DSCAML1: variants seen among roughly 807,000 people sequenced by gnomAD.
The protein encoded by DSCAML1 is cell adhesion molecule DSCAML1.
DSCAML1 carries 38 observed loss-of-function variants against 200.5 expected under a neutral mutation model. That is an observed-to-expected ratio of 0.19 (90% CI 0.15 to 0.25). The LOEUF (loss-of-function observed/expected upper bound fraction) is 0.25, where lower values mean the gene tolerates loss of function less well. Among genes scored for constraint, DSCAML1 ranks in the 10% least tolerant of loss-of-function variants. The probability of loss-of-function intolerance (pLI) is 1.00; values close to 1 mark genes in which losing one functional copy is unlikely to be tolerated. For missense variants in DSCAML1, 2,223 were observed against 2,858.8 expected, an observed-to-expected ratio of 0.78 and a Z score of 5.07; for synonymous variants, 1,215 against 1,165.0, an observed-to-expected ratio of 1.04 and a Z score of -0.87.
intron 15 of DSCAML1, among the ~76,000 whole-genome samples, chr11:117,470,298 G>A (rs999768697): frequency 1.3e-4 from 20 of 152,226 alleles, no homozygotes; most frequent in Non-Finnish European, 1.8e-4. Flanking sequence ...TGTCTAGGCC[G>A]GGCGCGGTGG....
intron 3 of DSCAML1, among the ~76,000 whole-genome samples, chr11:117,540,548 A>G (rs1488966696): frequency 6.6e-6 from 1 of 152,144 alleles, no homozygotes; most frequent in African/African-American, 2.4e-5. Context: ...GGTAAATTTT[A>G]TGTTATGTAT....
At chr11:117,652,671 C>T (rs1390409397) in intron 3 of DSCAML1, among the ~76,000 whole-genome samples, 1 of 152,200 alleles carries the variant, frequency 6.6e-6, no homozygotes, top group Non-Finnish European at 1.5e-5. Context: ...CTTGCCTGGG[C>T]CCCCGAAGCA....
chr11:117,501,862 CTG>C (rs1448094145), intron 11 of DSCAML1, among the ~76,000 whole-genome samples: 2 of 152,094 alleles, frequency 1.3e-5, no homozygotes, highest in Non-Finnish European at 2.9e-5. Flanking sequence ...ACACCGAGGC[CTG>C]CAGATGAGGA....
chr11:117,780,460 T>A lies in DSCAML1; in HGVS notation c.364+33A>T, dbSNP rs1279808880. On this transcript the variant is annotated intron_variant, in intron 2 of 32. Transcript: ENST00000651296. This position sits in a 1 kb window ranked among gnomAD's most constrained non-coding sequence, Gnocchi z 4.8. ...AGAATGACGGCGCAGCCTCCTCCTG[T>A]GCCACTGGGGCAGCCAGTGTCTTGT... The A allele has an allele frequency of 1.4e-6, 2 of 1,415,220 alleles. No homozygotes were observed. Among genetic ancestry groups the A allele is most frequent in the African/African-American group, 2.9e-5 (2 of 68,482 alleles). 87.7% of individuals were successfully genotyped at this position (1,415,220 alleles called of 1,614,324 possible).
chr11:117,695,736 T>A (rs1276748555), intron 3 of DSCAML1, among the ~76,000 whole-genome samples: 1 of 152,188 alleles, frequency 6.6e-6, no homozygotes, highest in Non-Finnish European at 1.5e-5. Context: ...ATGGAGAGAC[T>A]TCTTTCCTGG....
chr11:117,801,997 A>G (rs1040402196), upstream of DSCAML1: 2 of 152,264 alleles, frequency 1.3e-5, no homozygotes, highest in Non-Finnish European at 1.5e-5. Context: ...TCATTGTCAC[A>G]TTTCTCTCTG....
chr11:117,757,761 C>T (rs192216582), intron 3 of DSCAML1, among the ~76,000 whole-genome samples: 1 of 152,054 alleles, frequency 6.6e-6, no homozygotes, highest in African/African-American at 2.4e-5. Flanking sequence ...GAGGCTGAGG[C>T]GGGCGGATCA....
chr11:117,465,047 C>T lies in DSCAML1; in HGVS notation c.3160G>A (p.Asp1054Asn). The T allele has an allele frequency of 6.2e-7, 1 of 1,614,148 alleles. No individual in the cohort carries two copies. The highest frequency in any genetic ancestry group is 1.1e-5 in the South Asian group (1 of 91,072). ...ATGDSEVYTL[D>N]NLKKFAQYGV... ...TACTGGGCGAACTTCTTGAGGTTGT[C>T]CAGGGTGTAGACCTCGCTGTCCCCC... Residue 1054 changes from aspartate (D) to asparagine (N), a missense_variant, in exon 17 of 33, where the codon GAC becomes AAC. Coordinates refer to ENST00000651296, the MANE Select transcript of DSCAML1 (RefSeq NM_020693.4).
chr11:117,433,121 T>G lies in DSCAML1; in HGVS notation c.5026+17A>C, dbSNP rs189634634. 404 of 1,603,424 alleles carry G rather than the reference T, an allele frequency of 2.5e-4. 2 individuals carry two copies. In the African/African-American group the frequency reaches 4.5e-3, roughly 18 times the overall value. On this transcript the variant is annotated intron_variant, in intron 29 of 32. Coordinates refer to ENST00000651296, the MANE Select transcript of DSCAML1 (RefSeq NM_020693.4). ...CACACCCAGCAGGACAGGGAACTTG[T>G]GGCACCTGTCACTCACCCAGTTGCT...
At chr11:117,609,105 A>G (rs2051636315) in intron 3 of DSCAML1, among the ~76,000 whole-genome samples, 1 of 152,020 alleles carries the variant, frequency 6.6e-6, no homozygotes, top group Admixed American at 6.5e-5. Flanking sequence ...AGGCTAAGGC[A>G]GGACAATCGC....
At chr11:117,738,432 G>GT (rs1428824049) in intron 3 of DSCAML1, among the ~76,000 whole-genome samples, 7 of 151,842 alleles carry the variant, frequency 4.6e-5, no homozygotes, top group Non-Finnish European at 8.8e-5. Flanking sequence ...CCCTCTGGCT[G>GT]ACGTCAGCAT....
chr11:117,533,212 C>T (rs906714107), intron 3 of DSCAML1, among the ~76,000 whole-genome samples: 8 of 152,162 alleles, frequency 5.3e-5, no homozygotes, highest in Admixed American at 5.2e-4. Context: ...TATTAGTTCT[C>T]ATCTTTCCTA....
In DSCAML1 at chr11:117,521,324, C is replaced by T; in HGVS notation, c.1019G>A (p.Gly340Asp). 6.2e-7 allele frequency: 1 copy of T among 1,614,152 alleles called. No homozygotes were observed. Among genetic ancestry groups the T allele is most frequent in the Non-Finnish European group, 8.5e-7 (1 of 1,180,028 alleles). ...CCAGCGGATGGTGAACTCTGGGGAG[C>T]CCGTCAGGGCACAGGAGAGGATGAC... ...STVILSCALT[G>D]SPEFTIRWYR... The change falls in exon 6 of 33, where the codon GGC becomes GAC. Residue 340 changes from glycine to aspartate, a missense_variant. Coordinates refer to ENST00000651296, the MANE Select transcript of DSCAML1 (RefSeq NM_020693.4).
In DSCAML1 at chr11:117,428,391, C is replaced by G; in HGVS notation, c.6099G>C (p.Ser2033=). Residue 2033 remains serine (S), a synonymous_variant, in exon 33 of 33, where the codon TCG becomes TCC. Transcript: ENST00000651296. The stretch of plus-strand genomic sequence containing the variant: ...CCTGCTTCTGAGACCTCCCTACCCC[C>G]GATGTGCTCATCTCGAGAAGCGAGT... The part of the protein sequence containing the change: ...SRDSLLEMST[S]GVGRSQKQGA... The G allele has an allele frequency of 6.3e-7, 1 of 1,584,922 alleles. No homozygotes were observed. The highest frequency in any genetic ancestry group is 8.6e-7 in the Non-Finnish European group (1 of 1,169,350).
intron 3 of DSCAML1, among the ~76,000 whole-genome samples, chr11:117,612,472 C>T (rs955438414): frequency 5.3e-5 from 8 of 152,210 alleles, no homozygotes; most frequent in Admixed American, 6.5e-5. Flanking sequence ...CCACTAGTCC[C>T]TGCTGTGGAT....
At chr11:117,734,769 A>T (rs901815471) in intron 3 of DSCAML1, among the ~76,000 whole-genome samples, 7 of 152,212 alleles carry the variant, frequency 4.6e-5, no homozygotes, top group Admixed American at 3.3e-4. Context: ...GTATTTGCAG[A>T]GTACATGATG....
intron 15 of DSCAML1, among the ~76,000 whole-genome samples, 161 bp from the exon 16 acceptor site, chr11:117,470,141 G>A (rs2048656173): frequency 6.6e-6 from 1 of 152,192 alleles, no homozygotes; most frequent in Non-Finnish European, 1.5e-5. Flanking sequence ...TCCCCTGAAA[G>A]TAACATAGGG....
chr11:117,571,824 TGAA>T (rs1405286441), intron 3 of DSCAML1, among the ~76,000 whole-genome samples: 1 of 152,166 alleles, frequency 6.6e-6, no homozygotes, highest in African/African-American at 2.4e-5. Flanking sequence ...CAGCACAAGA[TGAA>T]GGTCATAAAG....
intron 3 of DSCAML1, among the ~76,000 whole-genome samples, chr11:117,577,856 C>A (rs1345450186): frequency 6.6e-6 from 1 of 151,646 alleles, no homozygotes; most frequent in African/African-American, 2.4e-5. Flanking sequence ...TGTGAGCCAC[C>A]ACTCCCGGCC....
Sources: allele counts gnomAD v4.1 joint callset (sites outside exome capture counted in the v4.1 genomes callset), GRCh38; gene constraint gnomAD v4.1.1; non-coding constraint Gnocchi (gnomAD v3.1); transcripts MANE v1.5; gene names NCBI Gene and HGNC (gene_info 2026-07-23, HGNC 2026-07-21).